Variants in TTLL11 observed in about 807,000 individuals in gnomAD.
TTLL11 encodes tubulin tyrosine ligase like 11.
Under a neutral mutation model 51.7 loss-of-function variants are expected in TTLL11, and 42 were observed. The observed-to-expected ratio is 0.81, with a 90% CI of 0.64 to 1.05. The LOEUF (loss-of-function observed/expected upper bound fraction) is 1.05, where lower values mean the gene tolerates loss of function less well. TTLL11 is among the 50% of genes least tolerant of loss of function. TTLL11 has a pLI of 0.00. For synonymous variants in TTLL11, 381 were observed against 383.5 expected (o/e 0.99, Z 0.08); for missense variants, 799 against 940.4 (o/e 0.85, Z 1.97).
intron 8 of TTLL11, among the ~76,000 whole-genome samples, chr9:121,858,155 G>A (rs1837885211): frequency 6.6e-6 from 1 of 152,226 alleles, no homozygotes. Flanking sequence ...TGCCAGGGAG[G>A]GCTGTAAGGG....
chr9:121,827,806 G>T (rs1225165032), intron 8 of TTLL11, among the ~76,000 whole-genome samples: 1 of 152,120 alleles, frequency 6.6e-6, no homozygotes, highest in East Asian at 1.9e-4. Context: ...GTTTCAAGGG[G>T]GTGGGGATTG....
intron 4 of TTLL11, chr9:121,988,782 G>T: frequency 4.2e-6 from 1 of 239,884 alleles, no homozygotes; most frequent in Non-Finnish European, 8.1e-6. Context: ...GCATCAGCAA[G>T]CAAGGCCCTG....
At chr9:121,872,465 T>G (rs1261798617) in intron 6 of TTLL11, among the ~76,000 whole-genome samples, 1 of 152,344 alleles carries the variant, frequency 6.6e-6, no homozygotes, top group Admixed American at 6.5e-5. Flanking sequence ...ACATACTTGG[T>G]GTTTGAGAAA....
At chr9:122,085,339 G>C (rs1846096778) in intron 1 of TTLL11, among the ~76,000 whole-genome samples, 1 of 152,074 alleles carries the variant, frequency 6.6e-6, no homozygotes, top group Non-Finnish European at 1.5e-5. Context: ...TTAGACTTAG[G>C]AAACTTTAGA....
intron 6 of TTLL11, among the ~76,000 whole-genome samples, chr9:121,885,891 C>T (rs12684636): frequency 0.35 from 52,805 of 152,008 alleles, 9,235 homozygotes; most frequent in East Asian, 0.47. Flanking sequence ...ACCACTCCTG[C>T]CTAGTTTTGG....
chr9:122,085,727 T>C (rs565199668), intron 1 of TTLL11, among the ~76,000 whole-genome samples: 3 of 152,122 alleles, frequency 2.0e-5, no homozygotes, highest in Non-Finnish European at 4.4e-5. Context: ...GTGCCAAGCA[T>C]TGGGTTAAGT....
intron 1 of TTLL11, among the ~76,000 whole-genome samples, chr9:122,060,472 T>A (rs1280114596): frequency 1.3e-5 from 2 of 152,188 alleles, no homozygotes; most frequent in African/African-American, 2.4e-5. Context: ...TGGTAGAGCA[T>A]GGGAAAGCCA....
intron 8 of TTLL11, among the ~76,000 whole-genome samples, chr9:121,852,139 A>G (rs552672846): frequency 6.6e-6 from 1 of 152,314 alleles, no homozygotes; most frequent in African/African-American, 2.4e-5. Flanking sequence ...GGGTCACGGT[A>G]GAGCTCACTG....
intron 3 of TTLL11, among the ~76,000 whole-genome samples, chr9:122,030,392 C>A: frequency 6.6e-6 from 1 of 152,058 alleles, no homozygotes; most frequent in African/African-American, 2.4e-5. Flanking sequence ...TCACTTCAAG[C>A]TGTTTTTGTG....
At chr9:122,024,396 C>T (rs960944413) in intron 3 of TTLL11, among the ~76,000 whole-genome samples, 8 of 152,126 alleles carry the variant, frequency 5.3e-5, no homozygotes, top group African/African-American at 1.9e-4. Flanking sequence ...CAATTCCATT[C>T]AAAATCCCAG....
At chr9:122,055,059 A>T (rs559172502) in intron 1 of TTLL11, among the ~76,000 whole-genome samples, 41 of 152,188 alleles carry the variant, frequency 2.7e-4, no homozygotes, top group Non-Finnish European at 3.7e-4. Flanking sequence ...TATTCAACAC[A>T]TAAGCAAGTC....
intron 8 of TTLL11, among the ~76,000 whole-genome samples, chr9:121,824,205 G>A (rs1321589065): frequency 5.9e-5 from 9 of 152,048 alleles, no homozygotes; most frequent in South Asian, 2.1e-4. Context: ...GGCAGGGTGC[G>A]GTGGCTCACA....
intron 6 of TTLL11, among the ~76,000 whole-genome samples, chr9:121,961,953 G>A (rs1588157388): frequency 6.6e-6 from 1 of 152,174 alleles, no homozygotes; most frequent in African/African-American, 2.4e-5. Flanking sequence ...CTACTCGGGA[G>A]GCTGAGGCAG....
At chr9:121,842,035 G>A (rs373588807) in intron 8 of TTLL11, among the ~76,000 whole-genome samples, 2 of 152,062 alleles carry the variant, frequency 1.3e-5, no homozygotes, top group African/African-American at 4.8e-5. Flanking sequence ...CTCTCAGGGG[G>A]CAAAGGACAG....
In TTLL11 at chr9:121,989,326, C is replaced by T. The variant is rs145304541; in HGVS notation, c.1138G>A (p.Val380Ile). Residue 380 changes from valine (V) to isoleucine (I), a missense_variant, in exon 4 of 9, where the codon GTT (valine) becomes ATT (isoleucine). Coordinates refer to ENST00000321582, the MANE Select transcript of TTLL11 (RefSeq NM_001139442.2). This position sits in a 1 kb window ranked among gnomAD's most constrained non-coding sequence, Gnocchi z 4.2. Reference protein sequence around the residue: ...SILCRLSSKGVDIKKVWSDII... With the variant: ...SILCRLSSKGIDIKKVWSDII... Reference sequence around the variant, plus strand: ...TCAGACCAGACCTTCTTGATGTCAACGCCTTTGGAAGACAGTCTACAAAGG... The same window carrying T: ...TCAGACCAGACCTTCTTGATGTCAATGCCTTTGGAAGACAGTCTACAAAGG... 52 of 1,614,060 alleles carry T rather than the reference C, an allele frequency of 3.2e-5. No individual in the cohort carries two copies. The highest frequency in any genetic ancestry group is 2.7e-4 in the East Asian group (12 of 44,894).
In TTLL11 at chr9:121,827,981, A is replaced by T. The variant is rs73664531; in HGVS notation, c.1841-5102T>A. ...CACAATGGTTGACGTTCTGCCAGGC[A>T]GAACTGGGGCTTTCGCCTTCCTTAT... On this transcript the variant is annotated intron_variant, in intron 8 of 8. Coordinates refer to ENST00000321582, the MANE Select transcript of TTLL11 (RefSeq NM_001139442.2). Among the ~76,000 whole-genome samples, 389 of 152,306 alleles carry T rather than the reference A, an allele frequency of 2.6e-3. 3 individuals carry two copies. The highest frequency in any genetic ancestry group is 9.0e-3 in the African/African-American group (374 of 41,576).
chr9:122,034,690 G>A (rs1316908604), intron 2 of TTLL11, among the ~76,000 whole-genome samples: 1 of 152,172 alleles, frequency 6.6e-6, no homozygotes, highest in Admixed American at 6.5e-5. Flanking sequence ...ACAGGTGTGG[G>A]AGTGGCAACT....
chr9:122,065,936 C>G (rs973866644), intron 1 of TTLL11, among the ~76,000 whole-genome samples: 9 of 152,086 alleles, frequency 5.9e-5, no homozygotes, highest in African/African-American at 1.9e-4. Flanking sequence ...GCACAAAGTA[C>G]TGATTCTAAG....
chr9:122,047,472 G>A (rs1221916434), intron 1 of TTLL11, among the ~76,000 whole-genome samples: 1 of 152,120 alleles, frequency 6.6e-6, no homozygotes, highest in East Asian at 1.9e-4. Context: ...GACTTCAGCA[G>A]GGGGCAGCTC....
Sources: allele counts gnomAD v4.1 joint callset (sites outside exome capture counted in the v4.1 genomes callset), GRCh38; gene constraint gnomAD v4.1.1; non-coding constraint Gnocchi (gnomAD v3.1); transcripts MANE v1.5; gene names NCBI Gene and HGNC (gene_info 2026-07-23, HGNC 2026-07-21).